Variants in CHD2 observed in about 807,000 individuals in gnomAD.
The protein encoded by CHD2 is ATP-dependent chromatin remodeler CHD2.
CHD2 carries 28 observed loss-of-function variants against 243.9 expected under a neutral mutation model. That is an observed-to-expected ratio of 0.11 (90% CI 0.09 to 0.16). The LOEUF is 0.16. Among genes scored for constraint, CHD2 ranks in the 10% least tolerant of loss-of-function variants. The pLI is 1.00. For missense variants in CHD2, 1,386 were observed against 2,209.8 expected (o/e 0.63, Z 7.47); for synonymous variants, 775 against 779.0 (o/e 0.99, Z 0.09).
At chr15:92,994,187 A>G (rs1171375368) in intron 28 of CHD2, among the ~76,000 whole-genome samples, 2 of 152,190 alleles carry the variant, frequency 1.3e-5, no homozygotes, top group Non-Finnish European at 2.9e-5. Context: ...TACCACTTCT[A>G]GTTATAAGAC....
chr15:92,988,008 G>A (rs967968056), intron 26 of CHD2, among the ~76,000 whole-genome samples: 27 of 151,316 alleles, frequency 1.8e-4, no homozygotes, highest in Non-Finnish European at 3.2e-4. Flanking sequence ...TGCTGTTGTC[G>A]CACATTACAT....
intron 16 of CHD2, among the ~76,000 whole-genome samples, chr15:92,959,771 C>T (rs898350037): frequency 3.3e-5 from 5 of 152,178 alleles, no homozygotes; most frequent in South Asian, 4.1e-4. Flanking sequence ...GTATTATAGG[C>T]GTGAGCCACT....
At chr15:92,905,229 A>C (rs1385189039) in intron 2 of CHD2, among the ~76,000 whole-genome samples, 1 of 152,328 alleles carries the variant, frequency 6.6e-6, no homozygotes, top group East Asian at 1.9e-4. Flanking sequence ...CACTTGGCCA[A>C]ATCTTCGCAA....
chr15:92,956,632 C>T lies in CHD2; in HGVS notation c.1983C>T (p.His661=). The T allele has an allele frequency of 4.3e-6, 7 of 1,609,570 alleles. No homozygotes were observed. The highest frequency in any genetic ancestry group is 5.1e-6 in the Non-Finnish European group (6 of 1,178,672). The change falls in exon 16 of 39, where the codon CAC becomes CAT. Residue 661 remains histidine, a synonymous_variant. Transcript: ENST00000394196. ...NSLKELWSLL[H]FIMPEKFEFW... is the part of the protein sequence containing the mutation. ...TCAAAGAGCTCTGGTCCTTGCTGCA[C>T]TTTATTATGCCGGAGAAGTAAGCTC...
intron 20 of CHD2, among the ~76,000 whole-genome samples, chr15:92,976,898 CAAAA>C (rs749191067): frequency 8.0e-6 from 1 of 124,592 alleles, no homozygotes; most frequent in Non-Finnish European, 1.7e-5. Context: ...GACCCTGTCT[CAAAA>C]AAAAAAAAAA....
intron 5 of CHD2, among the ~76,000 whole-genome samples, chr15:92,932,788 C>G (rs1000281760): frequency 6.6e-6 from 1 of 152,038 alleles, no homozygotes; most frequent in Non-Finnish European, 1.5e-5. Flanking sequence ...GATGGACTCT[C>G]GCTCTGTCGC....
intron 35 of CHD2, 77 bp from the exon 36 acceptor site, chr15:93,012,268 C>T: frequency 1.1e-6 from 1 of 882,574 alleles, no homozygotes; most frequent in Non-Finnish European, 1.7e-6. Context: ...AATTTAATAG[C>T]TTGCCATCCA....
intron 13 of CHD2, among the ~76,000 whole-genome samples, chr15:92,951,379 C>T (rs2053552546): frequency 6.6e-6 from 1 of 152,058 alleles, no homozygotes. Context: ...CCATGTTGGC[C>T]AAGCTGGTCT....
chr15:92,944,017 GT>G (rs1470672261), intron 9 of CHD2: 3 of 152,418 alleles, frequency 2.0e-5, no homozygotes, highest in African/African-American at 7.2e-5. Flanking sequence ...AGAATAACTA[GT>G]TTTCCAAGTC....
chr15:93,018,187 T>C lies in CHD2; in HGVS notation c.4907-1825T>C, dbSNP rs368420792. 1.7e-3 allele frequency among the ~76,000 whole-genome samples: 257 copies of C among 152,372 alleles called. 3 individuals are homozygous for C. The highest frequency in any genetic ancestry group is 5.9e-3 in the African/African-American group (246 of 41,588). On this transcript the variant is annotated intron_variant, in intron 37 of 38. Coordinates refer to ENST00000394196, the MANE Select transcript of CHD2 (RefSeq NM_001271.4). ...CATTTGATATGAAGCCATCCTCAAG[T>C]GATCCTTCGCATATTTAGAAGGTGT...
chr15:93,001,032 C>T (rs2141872299), intron 32 of CHD2, among the ~76,000 whole-genome samples: 1 of 152,294 alleles, frequency 6.6e-6, no homozygotes, highest in South Asian at 2.1e-4. Flanking sequence ...CCACGCCAGG[C>T]TCATTTTTGT....
intron 35 of CHD2, among the ~76,000 whole-genome samples, chr15:93,011,769 A>AGCCACT (rs2054397240): frequency 1.3e-5 from 2 of 152,182 alleles, no homozygotes; most frequent in African/African-American, 4.8e-5. Context: ...GGAGGGAAAA[A>AGCCACT]GCCACTGAGA....
chr15:93,019,927 C>G (rs2054512081), intron 37 of CHD2, 85 bp from the exon 38 acceptor site: 2 of 1,453,036 alleles, frequency 1.4e-6, no homozygotes, highest in African/African-American at 2.8e-5. Context: ...GAGCACGACT[C>G]CATCTCCAAA....
chr15:92,972,466 GC>G, intron 19 of CHD2, 49 bp downstream of exon 19: 2 of 1,495,754 alleles, frequency 1.3e-6, no homozygotes, highest in Non-Finnish European at 1.8e-6. Context: ...CTCTCTCTCC[GC>G]CTCCCCTCCC....
intron 22 of CHD2, among the ~76,000 whole-genome samples, chr15:92,980,253 G>A (rs2141845698): frequency 7.2e-6 from 1 of 138,404 alleles, no homozygotes; most frequent in South Asian, 2.3e-4. Context: ...TAGAGACAGG[G>A]TTTTTCCATG....
intron 12 of CHD2, 140 bp downstream of exon 12, chr15:92,946,356 C>A: frequency 1.7e-6 from 1 of 583,342 alleles, no homozygotes; most frequent in Non-Finnish European, 2.7e-6. Flanking sequence ...TTAAATATGA[C>A]ATTAAAGCAA....
chr15:92,946,968 A>G (rs955799459), intron 12 of CHD2: 2 of 152,070 alleles, frequency 1.3e-5, no homozygotes, highest in African/African-American at 4.8e-5. Context: ...GAAGTGATAG[A>G]AAAGGCGAGT....
intron 37 of CHD2, among the ~76,000 whole-genome samples, chr15:93,019,015 G>T (rs953194849): frequency 6.6e-6 from 1 of 152,190 alleles, no homozygotes; most frequent in African/African-American, 2.4e-5. Context: ...TGATTCAAGT[G>T]AGTATGATTC....
At chr15:92,922,357 C>A (rs1459376322) in intron 2 of CHD2, among the ~76,000 whole-genome samples, 1 of 152,168 alleles carries the variant, frequency 6.6e-6, no homozygotes, top group Non-Finnish European at 1.5e-5. Flanking sequence ...AGCCTAGTGT[C>A]TGATACCTGT....
Sources: allele counts gnomAD v4.1 joint callset (sites outside exome capture counted in the v4.1 genomes callset), GRCh38; gene constraint gnomAD v4.1.1; transcripts MANE v1.5; gene names NCBI Gene and HGNC (gene_info 2026-07-23, HGNC 2026-07-21).